Variants in ANXA8 observed in about 807,000 individuals in gnomAD.
ANXA8 encodes annexin A8.
In ANXA8, 9 loss-of-function variants were observed where a neutral mutation model predicts 26.8. That is an observed-to-expected ratio of 0.34 (90% CI 0.20 to 0.59). The LOEUF (loss-of-function observed/expected upper bound fraction) is 0.59, where lower values mean the gene tolerates loss of function less well. Ranked by LOEUF, ANXA8 falls within the 20% of genes least tolerant of loss-of-function variation. ANXA8 has a pLI of 0.84. For missense variants in ANXA8, 83 were observed against 238.5 expected, an observed-to-expected ratio of 0.35 and a Z score of 4.29; for synonymous variants, 39 against 94.8, an observed-to-expected ratio of 0.41 and a Z score of 3.42.
chr10:47,686,757 A>G, the ANXA8 span, among the ~76,000 whole-genome samples: 3 of 151,958 alleles, frequency 2.0e-5, no homozygotes, highest in African/African-American at 7.3e-5. Context: ...GGATTGATAA[A>G]CAGTTTCAAA....
chr10:47,567,867 C>T, the ANXA8 span: 22 of 373,534 alleles, frequency 5.9e-5, no homozygotes, highest in Non-Finnish European at 1.1e-4. Flanking sequence ...AAGCATCACA[C>T]GTTTTTCTAA....
chr10:47,916,663 A>T, the ANXA8 span, among the ~76,000 whole-genome samples: 12,152 of 105,566 alleles, frequency 0.12, 421 homozygotes, highest in Non-Finnish European at 0.17. Flanking sequence ...CTGCCTGGCA[A>T]GGGAGCTGTT....
chr10:47,749,429 A>G, the ANXA8 span, among the ~76,000 whole-genome samples: 3 of 151,180 alleles, frequency 2.0e-5, no homozygotes, highest in African/African-American at 2.4e-5. Flanking sequence ...TTGACTGCAC[A>G]TAGCAATAAT....
the ANXA8 span, among the ~76,000 whole-genome samples, chr10:47,499,969 C>A: frequency 6.6e-6 from 1 of 151,494 alleles, no homozygotes; most frequent in African/African-American, 2.4e-5. Flanking sequence ...ATGGGTCTCA[C>A]TTTATTGCCC....
chr10:47,943,961 C>T, the ANXA8 span, among the ~76,000 whole-genome samples: 1,157 of 147,984 alleles, frequency 7.8e-3, 20 homozygotes, highest in South Asian at 0.022. Flanking sequence ...AGTGCCTGAA[C>T]CTGCAGCCCC....
the ANXA8 span, among the ~76,000 whole-genome samples, chr10:47,617,642 C>T: frequency 5.4e-5 from 8 of 148,140 alleles, no homozygotes; most frequent in Admixed American, 6.7e-5. Flanking sequence ...GTAGCTATCG[C>T]AGTTAAACTG....
the ANXA8 span, among the ~76,000 whole-genome samples, chr10:47,694,554 G>A: frequency 6.6e-6 from 1 of 151,122 alleles, no homozygotes; most frequent in African/African-American, 2.4e-5. Flanking sequence ...CCAAGTAGCT[G>A]GGACTACAGG....
the ANXA8 span, among the ~76,000 whole-genome samples, chr10:47,495,641 C>A: frequency 6.9e-6 from 1 of 144,622 alleles, no homozygotes; most frequent in African/African-American, 2.6e-5. Context: ...TATGGGGCAA[C>A]AACAAGACTG....
At chr10:47,976,567 A>G in the ANXA8 span, among the ~76,000 whole-genome samples, 1 of 146,764 alleles carries the variant, frequency 6.8e-6, no homozygotes, top group Admixed American at 6.9e-5. Context: ...ACACACACAC[A>G]CACACAATTA....
the ANXA8 span, among the ~76,000 whole-genome samples, chr10:47,685,299 T>C: frequency 6.6e-6 from 1 of 150,528 alleles, no homozygotes; most frequent in African/African-American, 2.5e-5. Flanking sequence ...TGAGCTGAGA[T>C]TGTGCCATTG....
chr10:47,483,551 C>T (rs1214625613), intron 1 of ANXA8, among the ~76,000 whole-genome samples: 35 of 138,258 alleles, frequency 2.5e-4, no homozygotes, highest in South Asian at 6.9e-4. Flanking sequence ...CAAATGCACA[C>T]GTGTGTGCAC....
At chr10:47,680,431 T>C in the ANXA8 span, among the ~76,000 whole-genome samples, 3 of 151,776 alleles carry the variant, frequency 2.0e-5, no homozygotes, top group African/African-American at 7.3e-5. Flanking sequence ...GGTCAGGAGT[T>C]CAAGACTAGC....
the ANXA8 span, among the ~76,000 whole-genome samples, chr10:47,982,801 CATATATATATATATATAT>C: frequency 1.6e-3 from 21 of 12,948 alleles, no homozygotes; most frequent in African/African-American, 4.2e-3. Flanking sequence ...ATTTGCAAAT[CATATATATATATATATAT>C]ATATATATAT....
At chr10:47,502,229 T>C in the ANXA8 span, 5 of 1,578,294 alleles carry the variant, frequency 3.2e-6, no homozygotes, top group Non-Finnish European at 3.4e-6. Flanking sequence ...ACATTCCCCT[T>C]GCGGCAGGCC....
At chr10:47,907,136 A>G in the ANXA8 span, among the ~76,000 whole-genome samples, 1 of 151,982 alleles carries the variant, frequency 6.6e-6, no homozygotes, top group South Asian at 2.1e-4. Context: ...TGGGCGGATC[A>G]CGAGGTCAGG....
chr10:47,943,534 A>G, the ANXA8 span, among the ~76,000 whole-genome samples: 1 of 147,170 alleles, frequency 6.8e-6, no homozygotes, highest in Non-Finnish European at 1.5e-5. Flanking sequence ...GGAGTGGGGG[A>G]AGGAGGGAGG....
At chr10:47,580,310 A>C in the ANXA8 span, among the ~76,000 whole-genome samples, 1 of 152,296 alleles carries the variant, frequency 6.6e-6, no homozygotes, top group Admixed American at 6.5e-5. Context: ...AACTAGACCT[A>C]ACAGACATAT....
the ANXA8 span, among the ~76,000 whole-genome samples, chr10:47,665,016 C>A: frequency 6.9e-6 from 1 of 145,254 alleles, no homozygotes; most frequent in African/African-American, 2.7e-5. Flanking sequence ...TATGAGCCAC[C>A]ACACCCAGTT....
chr10:47,940,103 G>T, the ANXA8 span, among the ~76,000 whole-genome samples: 8 of 151,438 alleles, frequency 5.3e-5, no homozygotes, highest in East Asian at 1.0e-3. Context: ...AACTTTTCCT[G>T]GCTCCCTTGT....
Sources: allele counts gnomAD v4.1 joint callset (sites outside exome capture counted in the v4.1 genomes callset), GRCh38; gene constraint gnomAD v4.1.1; transcripts MANE v1.5; gene names NCBI Gene and HGNC (gene_info 2026-07-23, HGNC 2026-07-21).